The following CDKL3 variants were observed in gnomAD, a reference collection of about 807,000 sequenced individuals.
CDKL3 encodes the protein cyclin dependent kinase like 3.
Under a neutral mutation model 69.3 loss-of-function variants are expected in CDKL3, and 65 were observed. The ratio of observed to expected loss-of-function variants is 0.94; its 90% confidence interval spans 0.77 to 1.15. CDKL3 has a LOEUF of 1.15. Ranked by LOEUF, CDKL3 falls within the 50% of genes most tolerant of loss-of-function variation. The pLI, the probability that CDKL3 is intolerant of heterozygous loss-of-function variation, is 0.00. For missense variants in CDKL3, 652 were observed against 689.2 expected (o/e 0.95, Z 0.61); for synonymous variants, 202 against 221.6 (o/e 0.91, Z 0.79).
chr5:134,309,751 T>C (rs1333630707), intron 7 of CDKL3, among the ~76,000 whole-genome samples: 3 of 152,302 alleles, frequency 2.0e-5, no homozygotes, highest in African/African-American at 7.2e-5. Context: ...CCCACAATAA[T>C]AGAAGCCTAA....
intron 4 of CDKL3, among the ~76,000 whole-genome samples, chr5:134,341,885 C>T (rs1750582547): frequency 6.6e-6 from 1 of 152,208 alleles, no homozygotes; most frequent in South Asian, 2.1e-4. Flanking sequence ...ATCTGTGGGC[C>T]CTACATAAAT....
At chr5:134,330,365 TG>T (rs1399021426) in intron 4 of CDKL3, among the ~76,000 whole-genome samples, 2 of 152,198 alleles carry the variant, frequency 1.3e-5, no homozygotes, top group Non-Finnish European at 2.9e-5. Flanking sequence ...AGCATGGTCA[TG>T]GTGGAGATGG....
At chr5:134,362,907 G>A (rs902369629) in intron 2 of CDKL3, among the ~76,000 whole-genome samples, 3 of 152,168 alleles carry the variant, frequency 2.0e-5, no homozygotes, top group Middle Eastern at 3.2e-3. Flanking sequence ...CAGCCTGGGC[G>A]ACAGACAGAG....
chr5:134,336,070 T>C (rs1777033180), intron 4 of CDKL3, among the ~76,000 whole-genome samples: 1 of 152,222 alleles, frequency 6.6e-6, no homozygotes, highest in East Asian at 1.9e-4. Context: ...TTTCATTAAT[T>C]TGATCTTCAA....
chr5:134,364,702 G>T (rs1756964309), intron 2 of CDKL3, among the ~76,000 whole-genome samples: 1 of 151,832 alleles, frequency 6.6e-6, no homozygotes, highest in African/African-American at 2.4e-5. Flanking sequence ...AGTAGAGATG[G>T]GGGTTTCACT....
intron 4 of CDKL3, among the ~76,000 whole-genome samples, chr5:134,336,738 G>A (rs927877912): frequency 5.9e-5 from 9 of 152,192 alleles, no homozygotes; most frequent in African/African-American, 7.2e-5. Context: ...TGAAGTGTCC[G>A]TTGGCCCCTA....
At chr5:134,365,530 T>C (rs1561660543) in intron 2 of CDKL3, among the ~76,000 whole-genome samples, 1 of 152,192 alleles carries the variant, frequency 6.6e-6, no homozygotes, top group Non-Finnish European at 1.5e-5. Flanking sequence ...ATTCCTTAAT[T>C]GAACTCCTAA....
At chr5:134,319,545 T>C (rs1772184064) in intron 5 of CDKL3, 48 bp from the exon 6 acceptor site, 3 of 1,429,134 alleles carry the variant, frequency 2.1e-6, no homozygotes, top group Non-Finnish European at 2.8e-6. Flanking sequence ...AAATAGTCTA[T>C]AATCAAAACA....
Position 134,313,320 on chromosome 5 carries a change from T to A in CDKL3, c.793-940A>T, listed in dbSNP as rs562981087. ...GAGCCTTGAACTCCTTGGCTCAAGA[T>A]ATCCTCCTTCCTTAGCCTCTTGAGT... On this transcript the variant is annotated intron_variant, in intron 6 of 12. Transcript: ENST00000265334. Among the ~76,000 whole-genome samples the A allele has an allele frequency of 3.9e-5, 6 of 152,286 alleles. No homozygotes were observed. The East Asian group carries it at 9.7e-4, about 25-fold the overall frequency.
At chr5:134,303,501 T>C (rs1766875942) in intron 11 of CDKL3, among the ~76,000 whole-genome samples, 1 of 152,144 alleles carries the variant, frequency 6.6e-6, no homozygotes, top group Non-Finnish European at 1.5e-5. Flanking sequence ...ACTAAACAAA[T>C]TTCTCAAATA....
intron 3 of CDKL3, among the ~76,000 whole-genome samples, chr5:134,355,784 A>T (rs184255127): frequency 6.6e-6 from 1 of 152,230 alleles, no homozygotes. Flanking sequence ...TCCTAAGCAC[A>T]GGCCTTAAGA....
intron 4 of CDKL3, among the ~76,000 whole-genome samples, chr5:134,343,700 G>A (rs774749759): frequency 6.6e-6 from 1 of 152,084 alleles, no homozygotes; most frequent in Admixed American, 6.6e-5. Flanking sequence ...CTGATCTCAT[G>A]GCCGCCCCAG....
At chr5:134,317,753 T>A (rs1259513329) in intron 6 of CDKL3, among the ~76,000 whole-genome samples, 1 of 151,476 alleles carries the variant, frequency 6.6e-6, no homozygotes, top group Admixed American at 6.6e-5. Flanking sequence ...ATGGAGAAAC[T>A]CCATCTCTAC....
intron 4 of CDKL3, among the ~76,000 whole-genome samples, chr5:134,332,866 T>C (rs1008822913): frequency 6.6e-6 from 1 of 152,262 alleles, no homozygotes; most frequent in Non-Finnish European, 1.5e-5. Flanking sequence ...TAGCATTGAA[T>C]CTATAAACTA....
At chr5:134,301,900 C>A (rs1561496844) in intron 12 of CDKL3, among the ~76,000 whole-genome samples, 1 of 151,874 alleles carries the variant, frequency 6.6e-6, no homozygotes, top group East Asian at 1.9e-4. Flanking sequence ...AACAAACAAA[C>A]AAACAAACAA....
Position 134,359,896 on chromosome 5 carries a change from CATT to C in CDKL3, c.358_360del (p.Asn120del), listed in dbSNP as rs775062384. The stretch of plus-strand genomic sequence containing the variant: ...AAATTGGCTTATTCTGAAGCACTTA[CATT>C]ATTACTGTGAAGATAGTCAATTGCT... On this transcript the variant is annotated inframe_deletion and splice_region_variant, in exon 3 of 13. Transcript: ENST00000265334. The C allele has an allele frequency of 6.4e-7, 1 of 1,571,844 alleles. No homozygotes were observed. Among genetic ancestry groups the C allele is most frequent in the South Asian group, 1.2e-5 (1 of 84,302 alleles).
chr5:134,309,850 C>T (rs1768920167), intron 7 of CDKL3, among the ~76,000 whole-genome samples: 1 of 152,258 alleles, frequency 6.6e-6, no homozygotes, highest in South Asian at 2.1e-4. Context: ...CTTTTCTTTT[C>T]AGACACGGTC....
intron 4 of CDKL3, among the ~76,000 whole-genome samples, chr5:134,338,789 G>A (rs1749695383): frequency 6.6e-6 from 1 of 152,064 alleles, no homozygotes; most frequent in Admixed American, 6.6e-5. Context: ...AGCAAAGGAG[G>A]AGCAAGAAAA....
At chr5:134,346,036 T>TA (rs1212760100) in intron 4 of CDKL3, among the ~76,000 whole-genome samples, 2 of 152,132 alleles carry the variant, frequency 1.3e-5, no homozygotes, top group Admixed American at 6.6e-5. Flanking sequence ...CCCCAAGGTG[T>TA]ATCACAGAAA....
Sources: allele counts gnomAD v4.1 joint callset (sites outside exome capture counted in the v4.1 genomes callset), GRCh38; gene constraint gnomAD v4.1.1; transcripts MANE v1.5; gene names NCBI Gene and HGNC (gene_info 2026-07-23, HGNC 2026-07-21).